The following TRPM3 variants were observed in gnomAD, a reference collection of about 807,000 sequenced individuals.
TRPM3 encodes the protein long transient receptor potential channel 3.
In TRPM3, 77 loss-of-function variants were observed where a neutral mutation model predicts 181.2. That is an observed-to-expected ratio of 0.42 (90% CI 0.35 to 0.51). The LOEUF (loss-of-function observed/expected upper bound fraction) is 0.51, where lower values mean the gene tolerates loss of function less well. TRPM3 is among the 20% of genes least tolerant of loss of function. TRPM3 has a pLI of 0.01. For synonymous variants in TRPM3, 745 were observed against 796.4 expected (o/e 0.94, Z 1.09); for missense variants, 1,759 against 2,196.7 (o/e 0.80, Z 3.98).
chr9:71,362,696 A>G (rs2092199899), intron 1 of TRPM3, among the ~76,000 whole-genome samples: 1 of 152,192 alleles, frequency 6.6e-6, no homozygotes, highest in Non-Finnish European at 1.5e-5. Context: ...AGCGATAACA[A>G]TTTTTGTAAC....
intron 1 of TRPM3, among the ~76,000 whole-genome samples, chr9:70,891,358 T>C (rs900476260): frequency 2.6e-5 from 4 of 152,112 alleles, no homozygotes; most frequent in African/African-American, 9.7e-5. Flanking sequence ...CTAAATCCCA[T>C]TTTTCAAAGT....
At chr9:71,410,983 C>T (rs2093536965) in intron 1 of TRPM3, among the ~76,000 whole-genome samples, 1 of 152,182 alleles carries the variant, frequency 6.6e-6, no homozygotes, top group Non-Finnish European at 1.5e-5. Context: ...ATCATATAAA[C>T]AGAACCAAAG....
At chr9:70,602,856 T>A (rs992619376) in intron 20 of TRPM3, among the ~76,000 whole-genome samples, 4 of 151,956 alleles carry the variant, frequency 2.6e-5, no homozygotes, top group Non-Finnish European at 5.9e-5. Context: ...GCTGGCAGAG[T>A]GGTTGGTGCC....
chr9:71,364,692 G>A (rs1034557043), intron 1 of TRPM3, among the ~76,000 whole-genome samples: 1 of 152,310 alleles, frequency 6.6e-6, no homozygotes, highest in East Asian at 1.9e-4. Flanking sequence ...CAATAAAAGA[G>A]TATTTATACC....
At chr9:70,544,910 G>T (rs1248548388) in intron 25 of TRPM3, among the ~76,000 whole-genome samples, 1 of 152,060 alleles carries the variant, frequency 6.6e-6, no homozygotes, top group Non-Finnish European at 1.5e-5. Flanking sequence ...GATGTTATTT[G>T]GTTGCTAAGA....
chr9:71,121,426 T>C lies in TRPM3; in HGVS notation c.-72A>G, dbSNP rs548745188. On this transcript the variant is annotated 5_prime_UTR_variant, in exon 1 of 26. Transcript: ENST00000677713. The stretch of plus-strand genomic sequence containing the variant: ...CCTGGAACTTGGAAGACTAGTCAAG[T>C]AGCCTTGCCTGAGCCCCTGAACCTT... The C allele has an allele frequency of 3.9e-6, 6 of 1,547,864 alleles. No homozygotes were observed. Among genetic ancestry groups the C allele is most frequent in the Non-Finnish European group, 4.3e-6 (5 of 1,149,860 alleles).
chr9:71,142,034 T>C (rs1565270216), intron 1 of TRPM3, among the ~76,000 whole-genome samples: 1 of 152,226 alleles, frequency 6.6e-6, no homozygotes, highest in Non-Finnish European at 1.5e-5. Flanking sequence ...GAAAGAGTTT[T>C]GTCAAAACTG....
At chr9:70,815,176 G>A (rs938219754) in intron 6 of TRPM3, among the ~76,000 whole-genome samples, 1 of 151,896 alleles carries the variant, frequency 6.6e-6, no homozygotes, top group Non-Finnish European at 1.5e-5. Context: ...CTTTTAACTT[G>A]AGAAAAGAAC....
chr9:71,369,447 C>A (rs2092441338), intron 1 of TRPM3, among the ~76,000 whole-genome samples: 1 of 152,092 alleles, frequency 6.6e-6, no homozygotes, highest in Non-Finnish European at 1.5e-5. Flanking sequence ...TCTAATAAAC[C>A]TATATCTAGG....
At chr9:70,641,360 T>C (rs1215789243) in intron 9 of TRPM3, among the ~76,000 whole-genome samples, 2 of 152,230 alleles carry the variant, frequency 1.3e-5, no homozygotes, top group African/African-American at 4.8e-5. Context: ...GGCCAATCAC[T>C]GGTTTCAAGG....
upstream of TRPM3, among the ~76,000 whole-genome samples, chr9:71,121,822 T>G (rs907339457): frequency 1.3e-5 from 2 of 151,908 alleles, no homozygotes; most frequent in African/African-American, 4.8e-5. Context: ...GGGGGAGGGG[T>G]GAGGACACAG....
intron 1 of TRPM3, among the ~76,000 whole-genome samples, chr9:71,013,422 C>T (rs2097761204): frequency 6.6e-6 from 1 of 151,482 alleles, no homozygotes; most frequent in Admixed American, 6.6e-5. Flanking sequence ...TATTTGGAAT[C>T]GATGCCATTC....
At chr9:70,756,749 T>C (rs1296609889) in intron 8 of TRPM3, among the ~76,000 whole-genome samples, 1 of 151,954 alleles carries the variant, frequency 6.6e-6, no homozygotes, top group Non-Finnish European at 1.5e-5. Context: ...GGGTAAATAA[T>C]GAAATTAAGG....
chr9:70,589,847 C>A (rs1485252584), intron 22 of TRPM3, among the ~76,000 whole-genome samples: 1 of 152,162 alleles, frequency 6.6e-6, no homozygotes, highest in Admixed American at 6.5e-5. Context: ...TGTTCTGTTG[C>A]CAACGTACAC....
chr9:71,407,431 T>C (rs1027295921), intron 1 of TRPM3, among the ~76,000 whole-genome samples: 1 of 152,222 alleles, frequency 6.6e-6, no homozygotes, highest in Non-Finnish European at 1.5e-5. Flanking sequence ...TTATATCCTG[T>C]GGATGGCTTG....
chr9:71,184,080 C>T (rs188937982), intron 1 of TRPM3, among the ~76,000 whole-genome samples: 146 of 152,188 alleles, frequency 9.6e-4, no homozygotes, highest in African/African-American at 3.4e-3. Context: ...AGACAGGCAG[C>T]CAGATTTTTA....
Position 70,529,691 on chromosome 9 carries a change from C to T in TRPM3, c.*6262G>A, listed in dbSNP as rs1477611247. 2 of 152,080 alleles carry T rather than the reference C, an allele frequency of 1.3e-5. No homozygotes were observed. Among genetic ancestry groups the T allele is most frequent in the Non-Finnish European group, 2.9e-5 (2 of 68,014 alleles). 9.4% of individuals were successfully genotyped at this position (152,080 alleles called of 1,614,324 possible). On this transcript the variant is annotated 3_prime_UTR_variant, in exon 26 of 26. Transcript: ENST00000677713. ...CTGAATAAGGCGAGTTTCTTTTCCC[C>T]CCTCTCGGTTCTCAGTGTATTTTGT... is the stretch of plus-strand genomic sequence containing the variant.
intron 3 of TRPM3, among the ~76,000 whole-genome samples, chr9:70,854,003 T>G (rs1253901796): frequency 6.6e-6 from 1 of 152,180 alleles, no homozygotes; most frequent in Non-Finnish European, 1.5e-5. Flanking sequence ...TTTTGTAAGC[T>G]CTCCAGGTGC....
Position 71,260,890 on chromosome 9 carries a change from T to C in TRPM3, c.183+185763A>G, listed in dbSNP as rs59696546. Among the ~76,000 whole-genome samples, 922 of 152,332 alleles carry C rather than the reference T, an allele frequency of 6.1e-3. 14 individuals are homozygous for C. The highest frequency in any genetic ancestry group is 0.021 in the African/African-American group (875 of 41,566). ...CTTTTATCTCTTTCTCTTGCCTGAG[T>C]GTCCTTTGTGGGTAACCCAAGATTT... On this transcript the variant is annotated intron_variant, in intron 1 of 24. Transcript: ENST00000357533.
Sources: gnomAD v4.1 joint callset for allele counts (sites outside exome capture counted in the v4.1 genomes callset) on GRCh38, gnomAD v4.1.1 for gene constraint, MANE v1.5 for transcripts, NCBI Gene and HGNC (gene_info 2026-07-23, HGNC 2026-07-21) for gene names.